Variants in CADPS observed in about 807,000 individuals in gnomAD.
CADPS encodes the protein calcium dependent secretion activator, also known as calcium-dependent secretion activator 1.
In CADPS, 57 loss-of-function variants were observed where a neutral mutation model predicts 167.3. That is an observed-to-expected ratio of 0.34 (90% CI 0.28 to 0.42). The LOEUF (loss-of-function observed/expected upper bound fraction) is 0.42. Ranked by LOEUF, CADPS falls within the 20% of genes least tolerant of loss-of-function variation. CADPS has a pLI of 1.00. For synonymous variants in CADPS, 676 were observed against 635.3 expected (o/e 1.06, Z -0.96); for missense variants, 1,414 against 1,738.1 (o/e 0.81, Z 3.32).
intron 9 of CADPS, among the ~76,000 whole-genome samples, chr3:62,558,891 T>A (rs1212020750): frequency 6.6e-6 from 1 of 152,202 alleles, no homozygotes. Flanking sequence ...AAGGAACACA[T>A]ATTAATTTTT....
chr3:62,434,640 A>G (rs2054618616), intron 28 of CADPS, among the ~76,000 whole-genome samples: 1 of 152,212 alleles, frequency 6.6e-6, no homozygotes, highest in Non-Finnish European at 1.5e-5. Context: ...CCCAAATGCT[A>G]TGCCGATAAT....
intron 6 of CADPS, among the ~76,000 whole-genome samples, chr3:62,617,532 C>T (rs56306565): frequency 0.013 from 1,917 of 152,220 alleles, 33 homozygotes; most frequent in African/African-American, 0.043. Flanking sequence ...ATGGTTCCCA[C>T]TTTCAAGGGG....
At chr3:62,418,595 C>G (rs2050679326) in intron 28 of CADPS, among the ~76,000 whole-genome samples, 2 of 150,992 alleles carry the variant, frequency 1.3e-5, no homozygotes, top group Admixed American at 1.3e-4. Context: ...CCAGCCTCAG[C>G]CTCCCAAAGT....
At chr3:62,451,276 G>A (rs1227850560) in intron 26 of CADPS, among the ~76,000 whole-genome samples, 1 of 152,018 alleles carries the variant, frequency 6.6e-6, no homozygotes. Flanking sequence ...TCACCATTCT[G>A]GGGTTTTCAC....
rs552590863 is a variant in CADPS, at chr3:62,458,363, A to G, written c.3636+7004T>C. Among the ~76,000 whole-genome samples the G allele has an allele frequency of 1.7e-3, 253 of 151,862 alleles. No homozygotes were observed. Among genetic ancestry groups the G allele is most frequent in the Non-Finnish European group, 3.2e-3 (218 of 67,952 alleles). ...TCACAGTCACACCTTTATCTTAATC[A>G]CTCTCTAACTTTCTGGCGATAAACT... On this transcript the variant is annotated intron_variant, in intron 26 of 29. Transcript: ENST00000383710. This position sits in a 1 kb window ranked among gnomAD's most constrained non-coding sequence, Gnocchi z 4.6.
chr3:62,498,533 G>A (rs1282396091), intron 18 of CADPS, among the ~76,000 whole-genome samples: 2 of 151,968 alleles, frequency 1.3e-5, no homozygotes, highest in South Asian at 4.1e-4. Context: ...ATAGGTTTGG[G>A]ATTTAGTTAG....
chr3:62,729,242 T>A (rs539100), intron 3 of CADPS, among the ~76,000 whole-genome samples: 27,560 of 151,764 alleles, frequency 0.18, 2,814 homozygotes, highest in Middle Eastern at 0.23. Context: ...CAGATTTTAC[T>A]TGTTTCTCTG....
intron 27 of CADPS, chr3:62,440,572 AG>A (rs2056125100): frequency 3.5e-5 from 5 of 141,334 alleles, no homozygotes; most frequent in Non-Finnish European, 6.2e-5. Flanking sequence ...CAAGAAGAAA[AG>A]GGGGCCTCAG....
At chr3:62,800,723 G>A (rs1404634575) in intron 1 of CADPS, among the ~76,000 whole-genome samples, 1 of 152,108 alleles carries the variant, frequency 6.6e-6, no homozygotes, top group Non-Finnish European at 1.5e-5. Context: ...CCATGATTTT[G>A]TTAAATGTGT....
At chr3:62,688,306 C>G (rs1023939522) in intron 3 of CADPS, among the ~76,000 whole-genome samples, 2 of 152,010 alleles carry the variant, frequency 1.3e-5, no homozygotes, top group Non-Finnish European at 2.9e-5. Flanking sequence ...GCAAAATATT[C>G]TCTATTGAGA....
chr3:62,696,735 C>T (rs1223531211), intron 3 of CADPS, among the ~76,000 whole-genome samples: 1 of 152,070 alleles, frequency 6.6e-6, no homozygotes, highest in Non-Finnish European at 1.5e-5. Flanking sequence ...GTTCACATAA[C>T]AGACTGGCTT....
At chr3:62,609,550 T>C (rs553509577) in intron 6 of CADPS, among the ~76,000 whole-genome samples, 16 of 152,332 alleles carry the variant, frequency 1.1e-4, no homozygotes, top group Admixed American at 2.6e-4. Context: ...ATTTGAGTCT[T>C]GGTTTCACTT....
chr3:62,419,232 G>A (rs1194358032), intron 28 of CADPS, among the ~76,000 whole-genome samples: 1 of 152,094 alleles, frequency 6.6e-6, no homozygotes, highest in African/African-American at 2.4e-5. Flanking sequence ...CTTCTAACCA[G>A]GCCTTGTCTG....
intron 28 of CADPS, among the ~76,000 whole-genome samples, chr3:62,415,225 G>A (rs62243936): frequency 0.17 from 25,704 of 152,004 alleles, 2,691 homozygotes; most frequent in Middle Eastern, 0.24. Context: ...TCTGCAAGTA[G>A]CACACTGATT....
At chr3:62,476,722 C>G (rs1343052801) in intron 23 of CADPS, among the ~76,000 whole-genome samples, 1 of 152,152 alleles carries the variant, frequency 6.6e-6, no homozygotes, top group Non-Finnish European at 1.5e-5. Flanking sequence ...CCTACCCAGA[C>G]TGGCCTCTCC....
intron 3 of CADPS, among the ~76,000 whole-genome samples, chr3:62,702,517 T>A (rs2081577806): frequency 6.6e-6 from 1 of 151,868 alleles, no homozygotes; most frequent in South Asian, 2.1e-4. Flanking sequence ...AATAGATTGG[T>A]GATGATGGGA....
chr3:62,728,618 T>C (rs1044258268), intron 3 of CADPS, among the ~76,000 whole-genome samples: 22 of 152,024 alleles, frequency 1.4e-4, no homozygotes, highest in Non-Finnish European at 7.4e-5. Flanking sequence ...CATTTCCAAA[T>C]GTAAATGTTC....
chr3:62,652,719 G>A (rs992655106), intron 4 of CADPS, among the ~76,000 whole-genome samples: 2 of 151,944 alleles, frequency 1.3e-5, no homozygotes, highest in African/African-American at 2.4e-5. Context: ...AAAGGGAGAG[G>A]AGAGAAAAGA....
chr3:62,567,301 C>G (rs2080395390), intron 9 of CADPS, among the ~76,000 whole-genome samples: 1 of 152,112 alleles, frequency 6.6e-6, no homozygotes, highest in African/African-American at 2.4e-5. Context: ...CCTTTTTCAG[C>G]ACCACCCAAG....
Sources: allele counts gnomAD v4.1 joint callset (sites outside exome capture counted in the v4.1 genomes callset), GRCh38; gene constraint gnomAD v4.1.1; non-coding constraint Gnocchi (gnomAD v3.1); transcripts MANE v1.5; gene names NCBI Gene and HGNC (gene_info 2026-07-23, HGNC 2026-07-21).